The following POLR1C variants were observed in gnomAD, a reference collection of about 807,000 sequenced individuals.
POLR1C encodes the protein DNA-directed RNA polymerases I and III subunit RPAC1.
A neutral mutation model predicts 38.3 loss-of-function variants in POLR1C; 42 were observed. The ratio of observed to expected loss-of-function variants is 1.10; its 90% CI spans 0.86 to 1.42. The LOEUF is 1.42. Among genes scored for constraint, POLR1C ranks in the 40% most tolerant of loss-of-function variants. The probability of loss-of-function intolerance (pLI) is 0.00; values close to 1 mark genes in which losing one functional copy is unlikely to be tolerated. For missense variants in POLR1C, 507 were observed against 450.5 expected, an observed-to-expected ratio of 1.13 and a Z score of -1.14; for synonymous variants, 163 against 163.9, an observed-to-expected ratio of 0.99 and a Z score of 0.04.
chr6:43,555,741 C>G (rs1762046563), intron 10 of POLR1C: 2 of 1,472,544 alleles, frequency 1.4e-6, no homozygotes, highest in East Asian at 4.6e-5. Flanking sequence ...ATAAGTATAT[C>G]GTTCTGATGT....
chr6:43,550,249 T>A (rs1441748459), intron 9 of POLR1C, among the ~76,000 whole-genome samples: 1 of 152,222 alleles, frequency 6.6e-6, no homozygotes, highest in Non-Finnish European at 1.5e-5. Flanking sequence ...GTATGGTCTA[T>A]CCCTTCTATT....
chr6:43,524,828 C>T (rs1428876674), downstream of POLR1C: 3 of 1,608,868 alleles, frequency 1.9e-6, no homozygotes, highest in African/African-American at 4.2e-5. Flanking sequence ...CTTCCCCACT[C>T]ACCAGTGCCT....
At chr6:43,545,503 T>TC (rs2127726078) in intron 9 of POLR1C, among the ~76,000 whole-genome samples, 1 of 152,116 alleles carries the variant, frequency 6.6e-6, no homozygotes, top group Admixed American at 6.5e-5. Flanking sequence ...GGCCAGGAGT[T>TC]CGAGACCAGC....
downstream of POLR1C, among the ~76,000 whole-genome samples, chr6:43,532,283 CAG>C (rs1794034748): frequency 6.6e-6 from 1 of 152,180 alleles, no homozygotes; most frequent in African/African-American, 2.4e-5. Context: ...TAGGCTGAAA[CAG>C]ACAGACATGA....
intron 9 of POLR1C, among the ~76,000 whole-genome samples, chr6:43,538,139 CTTTTTTTTTTTTTTTTTTT>C (rs1160662301): frequency 2.0e-5 from 1 of 48,920 alleles, no homozygotes; most frequent in Non-Finnish European, 3.4e-5. Context: ...TAAGAGACAT[CTTTTTTTTTTTTTTTTTTT>C]TTTTTTTTTG....
intron 8 of POLR1C, chr6:43,526,915 C>G (rs981980390): frequency 1.4e-5 from 9 of 653,790 alleles, no homozygotes; most frequent in Non-Finnish European, 2.4e-5. Flanking sequence ...TAGAGGCATT[C>G]TGATGACCGA....
chr6:43,553,758 T>C (rs897997797), intron 10 of POLR1C: 2 of 538,276 alleles, frequency 3.7e-6, no homozygotes, highest in African/African-American at 1.9e-5. Context: ...AATTCACCTC[T>C]ATGAGCCTTG....
intron 9 of POLR1C, chr6:43,548,192 TG>T: frequency 6.8e-7 from 1 of 1,461,024 alleles, no homozygotes; most frequent in South Asian, 1.4e-5. Flanking sequence ...TACCCCACCC[TG>T]GGCCTAGCTC....
chr6:43,519,934 TC>T, intron 4 of POLR1C, 96 bp downstream of exon 4: 1 of 1,541,054 alleles, frequency 6.5e-7, no homozygotes, highest in African/African-American at 1.4e-5. Context: ...TACATCAGTG[TC>T]TTTCATCTGT....
intron 10 of POLR1C, among the ~76,000 whole-genome samples, chr6:43,556,457 T>C (rs2127739442): frequency 6.9e-6 from 1 of 144,362 alleles, no homozygotes; most frequent in East Asian, 2.0e-4. Context: ...CCCAGGGAGG[T>C]GAAGATTGTA....
intron 9 of POLR1C, among the ~76,000 whole-genome samples, chr6:43,538,441 C>A (rs140295996): frequency 6.6e-6 from 1 of 151,928 alleles, no homozygotes; most frequent in East Asian, 1.9e-4. Context: ...TGAGGCACCA[C>A]GCTAAGCCTA....
At position 43,518,598 on chromosome 6, in the gene POLR1C, T is replaced by C. The variant is rs565353411; in HGVS notation, c.142-735T>C. On this transcript the variant is annotated intron_variant, in intron 2 of 8. Transcript: ENST00000642195. ...GGAGAGAGACAAGAACCTGGCAAATTTAGAGATGGGTGGAAGTCGATCATC... is the reference window on the plus strand; with the variant it reads ...GGAGAGAGACAAGAACCTGGCAAATCTAGAGATGGGTGGAAGTCGATCATC... 1.4e-4 allele frequency among the ~76,000 whole-genome samples: 22 copies of C among 152,064 alleles called. No homozygotes were observed. In the East Asian group the frequency reaches 2.3e-3, roughly 16 times the overall value.
chr6:43,560,292 A>G lies in POLR1C; in HGVS notation c.*49-1108A>G, dbSNP rs565874420. The G allele has an allele frequency of 1.9e-5, 30 of 1,610,102 alleles. No individual in the cohort carries two copies. The South Asian group carries it at 2.9e-4, about 15-fold the overall frequency. ...GGGCTCCCCAAGTCATCTGAGTTGAAGAGCGTAGAAACTAAAGAGAAAAAA... is the reference window on the plus strand; with the variant it reads ...GGGCTCCCCAAGTCATCTGAGTTGAGGAGCGTAGAAACTAAAGAGAAAAAA... On this transcript the variant is annotated intron_variant, in intron 10 of 10. Transcript: ENST00000607635.
chr6:43,551,290 C>T (rs1268296196), intron 10 of POLR1C: 1 of 1,595,430 alleles, frequency 6.3e-7, no homozygotes, highest in Non-Finnish European at 8.5e-7. Context: ...AGGAGATGGG[C>T]TTTATACCTT....
chr6:43,543,454 AAAGT>A (rs140164237), intron 9 of POLR1C, among the ~76,000 whole-genome samples: 4,955 of 152,064 alleles, frequency 0.033, 257 homozygotes, highest in African/African-American at 0.11. Context: ...TCGTGCCTCA[AAAGT>A]AAGTAAGTAA....
intron 9 of POLR1C, among the ~76,000 whole-genome samples, chr6:43,544,529 C>T (rs1053483687): frequency 1.2e-4 from 18 of 152,240 alleles, no homozygotes; most frequent in Admixed American, 1.2e-3. Context: ...CACATAGATT[C>T]TGGCCACAGG....
chr6:43,557,047 G>A (rs1041285745), intron 10 of POLR1C, among the ~76,000 whole-genome samples: 2 of 149,170 alleles, frequency 1.3e-5, no homozygotes, highest in Non-Finnish European at 2.9e-5. Flanking sequence ...AAAATCGCTT[G>A]AACCTCAGAG....
At chr6:43,527,420 C>T (rs1027497636) in intron 8 of POLR1C, 19 of 441,558 alleles carry the variant, frequency 4.3e-5, no homozygotes, top group East Asian at 3.7e-4. Context: ...TACAGGCCTG[C>T]GCGCCACTAC....
At chr6:43,551,427 C>A in intron 10 of POLR1C, 1 of 1,613,620 alleles carries the variant, frequency 6.2e-7, no homozygotes, top group Non-Finnish European at 8.5e-7. Context: ...TCTGCAATAG[C>A]TCTATTCCAT....
Sources: allele counts gnomAD v4.1 joint callset (sites outside exome capture counted in the v4.1 genomes callset), GRCh38; gene constraint gnomAD v4.1.1; transcripts MANE v1.5; gene names NCBI Gene and HGNC (gene_info 2026-07-23, HGNC 2026-07-21).